The following NUDT3 variants were observed in gnomAD, a reference collection of about 807,000 sequenced individuals.
The protein encoded by NUDT3 is diphosphoinositol polyphosphate phosphohydrolase 1.
In NUDT3, 9 loss-of-function variants were observed where a neutral mutation model predicts 23.6. The ratio of observed to expected loss-of-function variants is 0.38; its 90% confidence interval spans 0.23 to 0.66. The LOEUF is 0.66. Among genes scored for constraint, NUDT3 ranks in the 30% least tolerant of loss-of-function variants. The pLI, the probability that NUDT3 is intolerant of heterozygous loss-of-function variation, is 0.52. For synonymous variants in NUDT3, 86 were observed against 82.6 expected (o/e 1.04, Z -0.22); for missense variants, 172 against 218.5 (o/e 0.79, Z 1.34).
chr6:34,371,388 C>A (rs1581895985), intron 1 of NUDT3, among the ~76,000 whole-genome samples: 1 of 151,976 alleles, frequency 6.6e-6, no homozygotes, highest in Admixed American at 6.6e-5. Context: ...ATTGCTTGAA[C>A]CCAGGACGTG....
chr6:34,310,386 C>T (rs143390451), intron 2 of NUDT3, among the ~76,000 whole-genome samples: 282 of 151,028 alleles, frequency 1.9e-3, no homozygotes, highest in African/African-American at 6.2e-3. Context: ...AAAAATTAGC[C>T]GGGCGCGGTG....
At chr6:34,369,222 C>G (rs542385381) in intron 1 of NUDT3, among the ~76,000 whole-genome samples, 1 of 152,108 alleles carries the variant, frequency 6.6e-6, no homozygotes, top group Admixed American at 6.5e-5. Flanking sequence ...AATGACTACA[C>G]AAGAGAAAAA....
intron 1 of NUDT3, among the ~76,000 whole-genome samples, chr6:34,361,598 T>C (rs1003668496): frequency 2.0e-5 from 3 of 152,212 alleles, no homozygotes; most frequent in African/African-American, 7.2e-5. Context: ...GCTTTATTCA[T>C]AATTGCCAAA....
intron 2 of NUDT3, among the ~76,000 whole-genome samples, chr6:34,299,375 A>T (rs1369564866): frequency 6.6e-6 from 1 of 152,104 alleles, no homozygotes; most frequent in Non-Finnish European, 1.5e-5. Flanking sequence ...TAATTCTTTC[A>T]CCCTTTTCTA....
intron 2 of NUDT3, among the ~76,000 whole-genome samples, chr6:34,332,077 G>A (rs1355825617): frequency 3.3e-5 from 5 of 151,716 alleles, no homozygotes; most frequent in South Asian, 2.1e-4. Context: ...GTAGTGATAC[G>A]GTCTCACTAT....
intron 2 of NUDT3, among the ~76,000 whole-genome samples, chr6:34,321,154 C>T (rs1763936048): frequency 6.6e-6 from 1 of 151,836 alleles, no homozygotes; most frequent in Non-Finnish European, 1.5e-5. Flanking sequence ...TGTGTTGTCT[C>T]AGGCCAGGCA....
At position 34,282,434 on chromosome 6, in the gene NUDT3, AT is replaced by A. The variant is rs1423323573; in HGVS notation, c.*6318del. ...GGGGAGTAGAATCTTATGGCCCAGC[AT>A]TGGCATTGAGGCATCTTGCTTTTTT... On this transcript the variant is annotated 3_prime_UTR_variant, in exon 5 of 5. Transcript: ENST00000607016. 6.6e-6 allele frequency: 1 copy of A among 152,196 alleles called. No homozygotes were observed. The highest frequency in any genetic ancestry group is 2.4e-5 in the African/African-American group (1 of 41,434). The allele number at this position is 152,196 out of a possible 1,614,324, so 9.4% of individuals were successfully genotyped here. A position where few individuals can be genotyped will look rare whatever the true frequency, so the allele number is the denominator to read the frequency against.
chr6:34,356,231 T>C (rs1764559357), intron 1 of NUDT3, among the ~76,000 whole-genome samples: 1 of 152,158 alleles, frequency 6.6e-6, no homozygotes, highest in Non-Finnish European at 1.5e-5. Flanking sequence ...TATCAAAATA[T>C]CTTACGTACC....
intron 2 of NUDT3, among the ~76,000 whole-genome samples, chr6:34,330,741 C>T: frequency 6.6e-6 from 1 of 151,994 alleles, no homozygotes; most frequent in Non-Finnish European, 1.5e-5. Flanking sequence ...GTGGAGGTGG[C>T]AGTGAGCTGA....
At chr6:34,306,044 T>C (rs1241463215) in intron 2 of NUDT3, among the ~76,000 whole-genome samples, 1 of 152,228 alleles carries the variant, frequency 6.6e-6, no homozygotes, top group Non-Finnish European at 1.5e-5. Context: ...ATCTTGTTAA[T>C]GGTGTTATTT....
In NUDT3 at chr6:34,319,039, TAAA is replaced by T. The variant is rs57832381; in HGVS notation, c.210+22820_210+22822del. On this transcript the variant is annotated intron_variant, in intron 2 of 4. Transcript: ENST00000607016. ...TTCTAGGAAAACAGAGCTGGGACAG[TAAA>T]AAAAAAAAAGGGCTGGGATGGTAGA... Among the ~76,000 whole-genome samples, 265 of 140,730 alleles carry T rather than the reference TAAA, an allele frequency of 1.9e-3. 1 individual carries two copies. The highest frequency in any genetic ancestry group is 6.5e-3 in the African/African-American group (247 of 37,964). The allele number at this position is 140,730 out of a possible 152,430, so 92.3% of individuals were successfully genotyped here.
intron 1 of NUDT3, among the ~76,000 whole-genome samples, chr6:34,357,927 G>A (rs1031935270): frequency 1.3e-5 from 2 of 152,070 alleles, no homozygotes; most frequent in African/African-American, 2.4e-5. Context: ...ATTTATGACC[G>A]TAGTTTTTAA....
chr6:34,303,350 T>G, intron 2 of NUDT3, among the ~76,000 whole-genome samples: 1 of 152,132 alleles, frequency 6.6e-6, no homozygotes, highest in East Asian at 1.9e-4. Flanking sequence ...ATTCTATTAA[T>G]AATAGTTCCT....
At chr6:34,321,523 G>A (rs1220868537) in intron 2 of NUDT3, among the ~76,000 whole-genome samples, 1 of 152,120 alleles carries the variant, frequency 6.6e-6, no homozygotes, top group African/African-American at 2.4e-5. Flanking sequence ...CTTGGCTAAT[G>A]TAGTAAGAGC....
intron 1 of NUDT3, among the ~76,000 whole-genome samples, chr6:34,351,198 T>TTAAAAAAAAAAA (rs1764462307): frequency 2.2e-4 from 4 of 17,894 alleles, no homozygotes; most frequent in Admixed American, 1.8e-3. Flanking sequence ...CTCCCCTGCC[T>TTAAAAAAAAAAA]AAAAAAAAAA....
intron 1 of NUDT3, among the ~76,000 whole-genome samples, chr6:34,391,818 G>A (rs907509193): frequency 7.1e-6 from 1 of 141,424 alleles, no homozygotes; most frequent in Admixed American, 7.8e-5. Flanking sequence ...TGCCAATGAA[G>A]TGCACTATTT....
At chr6:34,326,164 A>G (rs1488618038) in intron 2 of NUDT3, among the ~76,000 whole-genome samples, 1 of 151,072 alleles carries the variant, frequency 6.6e-6, no homozygotes, top group Non-Finnish European at 1.5e-5. Flanking sequence ...CCTGCTTTTA[A>G]ACAAACGGGA....
intron 1 of NUDT3, among the ~76,000 whole-genome samples, chr6:34,363,077 A>G (rs1483507766): frequency 6.6e-6 from 1 of 152,202 alleles, no homozygotes; most frequent in East Asian, 1.9e-4. Flanking sequence ...ATGTGCTCAG[A>G]ATATACAGTT....
chr6:34,361,849 G>T (rs1764655063), intron 1 of NUDT3, among the ~76,000 whole-genome samples: 1 of 152,200 alleles, frequency 6.6e-6, no homozygotes, highest in African/African-American at 2.4e-5. Flanking sequence ...GTTGTTAGGG[G>T]TGAGCAGAGA....
Sources: gnomAD v4.1 joint callset for allele counts (sites outside exome capture counted in the v4.1 genomes callset) on GRCh38, gnomAD v4.1.1 for gene constraint, MANE v1.5 for transcripts, NCBI Gene and HGNC (gene_info 2026-07-23, HGNC 2026-07-21) for gene names.